STRN: variants seen among roughly 807,000 people sequenced by gnomAD.
STRN encodes the protein protein phosphatase 2 regulatory subunit B'''alpha.
In STRN, 53 loss-of-function variants were observed where a neutral mutation model predicts 96.3. The observed-to-expected ratio is 0.55, with a 90% CI of 0.44 to 0.69. The LOEUF (loss-of-function observed/expected upper bound fraction) is 0.69. STRN is among the 30% of genes least tolerant of loss of function. STRN has a pLI of 0.00. For synonymous variants in STRN, 428 were observed against 355.9 expected, an observed-to-expected ratio of 1.20 and a Z score of -2.28; for missense variants, 987 against 963.9, an observed-to-expected ratio of 1.02 and a Z score of -0.32.
chr2:36,950,053 G>A (rs1664713981), intron 1 of STRN, among the ~76,000 whole-genome samples: 1 of 152,008 alleles, frequency 6.6e-6, no homozygotes, highest in Non-Finnish European at 1.5e-5. Flanking sequence ...AACAGAGAGA[G>A]AGATGAGACT....
intron 1 of STRN, among the ~76,000 whole-genome samples, chr2:36,940,162 G>A (rs756962884): frequency 1.3e-5 from 2 of 152,040 alleles, no homozygotes; most frequent in African/African-American, 2.4e-5. Flanking sequence ...CATTATAATC[G>A]GAGTTAAGAT....
In STRN at chr2:36,849,180, C is replaced by A; in HGVS notation, c.*276G>T. The A allele has an allele frequency of 7.9e-6, 3 of 378,174 alleles. No homozygotes were observed. The highest frequency in any genetic ancestry group is 8.5e-5 in the South Asian group (2 of 23,556). 23.4% of individuals were successfully genotyped at this position (378,174 alleles called of 1,614,324 possible). On this transcript the variant is annotated 3_prime_UTR_variant, in exon 18 of 18. Transcript: ENST00000263918. ...CTTGTATTCGCTCAGGCCTGCCTAGCGAATTAGAACCACCTCAGAAATAAA... is the reference window on the plus strand; with the variant it reads ...CTTGTATTCGCTCAGGCCTGCCTAGAGAATTAGAACCACCTCAGAAATAAA...
intron 9 of STRN, among the ~76,000 whole-genome samples, chr2:36,880,840 A>G: frequency 6.6e-6 from 1 of 152,318 alleles, no homozygotes; most frequent in Middle Eastern, 3.4e-3. Flanking sequence ...ATGTAAGTTA[A>G]TTCTAACTAC....
chr2:36,869,915 T>C (rs922690647), intron 10 of STRN, among the ~76,000 whole-genome samples, 186 bp from the exon 11 acceptor site: 1 of 152,154 alleles, frequency 6.6e-6, no homozygotes, highest in Non-Finnish European at 1.5e-5. Context: ...CAACACTAGT[T>C]TTCTTTGAAG....
chr2:36,907,435 C>G (rs191334214), intron 3 of STRN, among the ~76,000 whole-genome samples: 2 of 152,032 alleles, frequency 1.3e-5, no homozygotes, highest in African/African-American at 4.8e-5. Flanking sequence ...TGTTTCCCAG[C>G]TACTCAGGAG....
chr2:36,874,856 G>C (rs898161395), intron 10 of STRN, among the ~76,000 whole-genome samples: 1 of 151,730 alleles, frequency 6.6e-6, no homozygotes, highest in African/African-American at 2.4e-5. Context: ...CTTCACTAAA[G>C]AGAAATACTA....
chr2:36,870,304 A>C (rs1668730772), intron 10 of STRN, among the ~76,000 whole-genome samples: 1 of 152,132 alleles, frequency 6.6e-6, no homozygotes. Context: ...ATGAAAAAAA[A>C]AAAAAAGCAC....
intron 10 of STRN, among the ~76,000 whole-genome samples, chr2:36,870,011 T>C (rs1668723591): frequency 6.6e-6 from 1 of 152,152 alleles, no homozygotes; most frequent in South Asian, 2.1e-4. Flanking sequence ...CTTACTAGGA[T>C]GATAAATAAT....
At chr2:36,877,513 A>C (rs1201828153) in intron 10 of STRN, among the ~76,000 whole-genome samples, 1 of 152,156 alleles carries the variant, frequency 6.6e-6, no homozygotes, top group African/African-American at 2.4e-5. Flanking sequence ...CATTGCCTTC[A>C]TTTTCTATAA....
chr2:36,899,880 G>GCTTA (rs1553398841), intron 5 of STRN, among the ~76,000 whole-genome samples: 5 of 151,946 alleles, frequency 3.3e-5, no homozygotes, highest in Admixed American at 1.3e-4. Flanking sequence ...CTACTTGCCT[G>GCTTA]CCTACCTACC....
intron 14 of STRN, among the ~76,000 whole-genome samples, chr2:36,857,425 A>G (rs1295764282): frequency 6.6e-6 from 1 of 152,232 alleles, no homozygotes; most frequent in African/African-American, 2.4e-5. Flanking sequence ...CTGTAATCCC[A>G]GCACTTCGGG....
At chr2:36,923,390 G>A (rs1255748017) in intron 2 of STRN, among the ~76,000 whole-genome samples, 9 of 146,260 alleles carry the variant, frequency 6.2e-5, no homozygotes, top group Non-Finnish European at 5.9e-5. Flanking sequence ...GGCGGAGGTT[G>A]CAGTAAGCCG....
intron 12 of STRN, among the ~76,000 whole-genome samples, chr2:36,864,531 T>A (rs1668572889): frequency 6.6e-6 from 1 of 152,180 alleles, no homozygotes; most frequent in Admixed American, 6.5e-5. Flanking sequence ...GATTAGCTTT[T>A]TGATGTGCTG....
chr2:36,932,038 T>A (rs989080970), intron 1 of STRN, among the ~76,000 whole-genome samples: 2 of 152,180 alleles, frequency 1.3e-5, no homozygotes, highest in African/African-American at 4.8e-5. Context: ...CAGGCTGGTC[T>A]CGAACTCCTA....
At chr2:36,879,878 T>A (rs1458622109) in intron 9 of STRN, among the ~76,000 whole-genome samples, 2 of 151,896 alleles carry the variant, frequency 1.3e-5, no homozygotes, top group Admixed American at 1.3e-4. Flanking sequence ...GCCTGTAATC[T>A]TAGTGTTTTG....
intron 15 of STRN, among the ~76,000 whole-genome samples, chr2:36,854,888 T>A (rs923055497): frequency 2.6e-5 from 4 of 152,164 alleles, no homozygotes; most frequent in African/African-American, 9.7e-5. Context: ...AATATGAAAT[T>A]ACGAGAAATG....
chr2:36,857,789 G>T, intron 14 of STRN, 67 bp downstream of exon 14: 2 of 1,320,380 alleles, frequency 1.5e-6, no homozygotes, highest in Non-Finnish European at 2.1e-6. Context: ...TCATTTATCT[G>T]CTTGCTTATT....
At chr2:36,950,187 T>A (rs1664717592) in intron 1 of STRN, among the ~76,000 whole-genome samples, 2 of 151,492 alleles carry the variant, frequency 1.3e-5, no homozygotes, top group East Asian at 3.9e-4. Context: ...TTTCTTTTGT[T>A]GTTACTGGTT....
At chr2:36,877,612 T>A (rs1007642524) in intron 10 of STRN, among the ~76,000 whole-genome samples, 15 of 152,256 alleles carry the variant, frequency 9.9e-5, no homozygotes, top group Admixed American at 5.2e-4. Flanking sequence ...GTTGGCTCAC[T>A]GCAACCTCTG....
Sources: gnomAD v4.1 joint callset for allele counts (sites outside exome capture counted in the v4.1 genomes callset) on GRCh38, gnomAD v4.1.1 for gene constraint, MANE v1.5 for transcripts, NCBI Gene and HGNC (gene_info 2026-07-23, HGNC 2026-07-21) for gene names.